Variants in GNAO1 observed in about 807,000 individuals in gnomAD.
GNAO1 encodes the protein G protein subunit alpha o1, also known as guanine nucleotide-binding protein G(o) subunit alpha.
For missense variants in GNAO1, 166 were observed against 478.7 expected, an observed-to-expected ratio of 0.35 and a Z score of 6.10; for synonymous variants, 164 against 180.7, an observed-to-expected ratio of 0.91 and a Z score of 0.74.
chr16:56,340,818 C>G (rs373101230), intron 6 of GNAO1: 4 of 1,611,860 alleles, frequency 2.5e-6, no homozygotes, highest in Non-Finnish European at 3.4e-6. Context: ...TCACTCACCC[C>G]TCCACTCTGT....
At chr16:56,325,891 G>A (rs2037627394) in intron 3 of GNAO1, among the ~76,000 whole-genome samples, 1 of 152,216 alleles carries the variant, frequency 6.6e-6, no homozygotes, top group African/African-American at 2.4e-5. Context: ...GGGGACGCTT[G>A]TCTCAGTGAT....
chr16:56,198,092 A>C (rs886181708), intron 2 of GNAO1, among the ~76,000 whole-genome samples: 1 of 152,216 alleles, frequency 6.6e-6, no homozygotes, highest in Admixed American at 6.5e-5. Flanking sequence ...GGAAAGAGTT[A>C]CCCTCAGAAT....
At chr16:56,343,626 C>T (rs1426858310) in intron 6 of GNAO1, 1 of 632,678 alleles carries the variant, frequency 1.6e-6, no homozygotes, top group Non-Finnish European at 2.7e-6. Context: ...CTCAGGTCCC[C>T]TCCATCAGGT....
At chr16:56,330,503 A>G (rs1343545889) in intron 4 of GNAO1, among the ~76,000 whole-genome samples, 2 of 152,112 alleles carry the variant, frequency 1.3e-5, no homozygotes, top group African/African-American at 4.8e-5. Flanking sequence ...ACAAATGCAG[A>G]GGGATGTAAA....
intron 2 of GNAO1, among the ~76,000 whole-genome samples, chr16:56,249,512 A>G (rs1336114782): frequency 6.6e-6 from 1 of 152,158 alleles, no homozygotes; most frequent in Non-Finnish European, 1.5e-5. Flanking sequence ...GACAACTGGC[A>G]TGATCAGGGA....
chr16:56,315,017 A>G (rs888841116), intron 3 of GNAO1, among the ~76,000 whole-genome samples: 2 of 152,156 alleles, frequency 1.3e-5, no homozygotes, highest in African/African-American at 4.8e-5. Context: ...ACAAAACAGT[A>G]TGTGCCCACT....
At chr16:56,336,646 T>C in intron 5 of GNAO1, 85 bp from the exon 6 acceptor site, 1 of 1,293,150 alleles carries the variant, frequency 7.7e-7, no homozygotes, top group Admixed American at 2.2e-5. Context: ...CCCCATCCTC[T>C]GCCTCTCAGC....
chr16:56,193,841 G>T (rs2143278067), intron 2 of GNAO1: 1 of 347,606 alleles, frequency 2.9e-6, no homozygotes, highest in Middle Eastern at 1.1e-3. Flanking sequence ...ATTCCACGTC[G>T]CTTTGCTGTG....
rs538035048 is a variant in GNAO1, at chr16:56,292,308, T to C, written c.303+16236T>C. On this transcript the variant is annotated intron_variant, in intron 3 of 8. Transcript: ENST00000262493. ...ATATCCCACTGCATCCCCAGAACAATCTCAAAAGATACTGGTATTTTTCTA... is the reference window on the plus strand; with the variant it reads ...ATATCCCACTGCATCCCCAGAACAACCTCAAAAGATACTGGTATTTTTCTA... 2.6e-5 allele frequency among the ~76,000 whole-genome samples: 4 copies of C among 152,230 alleles called. No homozygotes were observed. In the South Asian group the frequency reaches 8.3e-4, roughly 32 times the overall value.
intron 2 of GNAO1, among the ~76,000 whole-genome samples, chr16:56,248,855 C>G (rs2036773312): frequency 6.6e-6 from 1 of 152,168 alleles, no homozygotes; most frequent in Non-Finnish European, 1.5e-5. Flanking sequence ...TGCAGAAGGA[C>G]TTGGACTTTT....
chr16:56,320,271 TGGCA>T (rs2037557630), intron 3 of GNAO1, among the ~76,000 whole-genome samples: 1 of 152,178 alleles, frequency 6.6e-6, no homozygotes, highest in East Asian at 1.9e-4. Context: ...TATCTCTATG[TGGCA>T]GCCCTGGGCA....
At chr16:56,192,379 T>TACC in intron 1 of GNAO1, 26 bp downstream of exon 1, 1 of 1,115,896 alleles carries the variant, frequency 9.0e-7, no homozygotes, top group Non-Finnish European at 1.2e-6. Context: ...GCTACCCCCA[T>TACC]CCCCCGACCC....
At chr16:56,277,524 A>G (rs59180542) in intron 3 of GNAO1, among the ~76,000 whole-genome samples, 184 of 152,268 alleles carry the variant, frequency 1.2e-3, no homozygotes, top group African/African-American at 4.3e-3. Flanking sequence ...TCTTCTTAAT[A>G]ACAATAGTAG....
intron 2 of GNAO1, chr16:56,193,469 G>A (rs2036201002): frequency 1.2e-5 from 2 of 160,862 alleles, no homozygotes; most frequent in South Asian, 1.7e-4. Flanking sequence ...TGCATAGGCC[G>A]TGTTCCATGT....
At chr16:56,287,593 G>T (rs1009178409) in intron 3 of GNAO1, among the ~76,000 whole-genome samples, 11 of 152,238 alleles carry the variant, frequency 7.2e-5, no homozygotes, top group Admixed American at 6.5e-4. Flanking sequence ...CTGCCTGTTA[G>T]TGAAGGGCCA....
intron 3 of GNAO1, among the ~76,000 whole-genome samples, chr16:56,287,623 A>G (rs973351568): frequency 2.6e-5 from 4 of 152,206 alleles, no homozygotes; most frequent in Non-Finnish European, 5.9e-5. Flanking sequence ...CCTGGGTGTG[A>G]CAATTGTTTC....
chr16:56,236,883 C>G (rs927272542), intron 2 of GNAO1, among the ~76,000 whole-genome samples: 1 of 152,154 alleles, frequency 6.6e-6, no homozygotes, highest in Non-Finnish European at 1.5e-5. Context: ...AGCCAAGGGC[C>G]GTGTCCCAGG....
At chr16:56,257,739 A>G (rs1170588378) in intron 2 of GNAO1, among the ~76,000 whole-genome samples, 1 of 152,264 alleles carries the variant, frequency 6.6e-6, no homozygotes, top group African/African-American at 2.4e-5. Flanking sequence ...ACCAACATGC[A>G]GGAAACATTT....
intron 6 of GNAO1, among the ~76,000 whole-genome samples, chr16:56,348,447 C>T (rs912266286): frequency 6.6e-6 from 1 of 152,230 alleles, no homozygotes; most frequent in Admixed American, 6.5e-5. Context: ...GCTTGGTGGC[C>T]ACCTGGACAC....
Sources: allele counts gnomAD v4.1 joint callset (sites outside exome capture counted in the v4.1 genomes callset), GRCh38; gene constraint gnomAD v4.1.1; transcripts MANE v1.5; gene names NCBI Gene and HGNC (gene_info 2026-07-23, HGNC 2026-07-21).